Variants in NFIB observed in about 807,000 individuals in gnomAD.
NFIB encodes nuclear factor I B, also known as nuclear factor 1 B-type.
Under a neutral mutation model 61.5 loss-of-function variants are expected in NFIB, and 11 were observed. That is an observed-to-expected ratio of 0.18 (90% CI 0.11 to 0.30). The LOEUF (loss-of-function observed/expected upper bound fraction) is 0.30, where lower values mean the gene tolerates loss of function less well. Among genes scored for constraint, NFIB ranks in the 10% least tolerant of loss-of-function variants. NFIB has a pLI of 1.00. For missense variants in NFIB, 471 were observed against 608.9 expected (o/e 0.77, Z 2.38); for synonymous variants, 260 against 216.5 (o/e 1.20, Z -1.76).
the NFIB span, among the ~76,000 whole-genome samples, chr9:14,529,008 T>C: frequency 6.6e-6 from 1 of 152,142 alleles, no homozygotes; most frequent in Non-Finnish European, 1.5e-5. Context: ...AGAAGTCACA[T>C]ACAAAATCAT....
intron 2 of NFIB, among the ~76,000 whole-genome samples, chr9:14,257,680 C>T (rs1370213823): frequency 6.6e-6 from 1 of 152,000 alleles, no homozygotes; most frequent in Non-Finnish European, 1.5e-5. Context: ...CGCTTGAACC[C>T]GGGGGACAGA....
chr9:14,278,047 C>A (rs1244259624), intron 2 of NFIB, among the ~76,000 whole-genome samples: 2 of 152,112 alleles, frequency 1.3e-5, no homozygotes, highest in South Asian at 2.1e-4. Context: ...ACTTCAGAGA[C>A]CAGCATCTTA....
the NFIB span, among the ~76,000 whole-genome samples, chr9:14,419,140 A>G: frequency 6.6e-6 from 1 of 151,872 alleles, no homozygotes; most frequent in Non-Finnish European, 1.5e-5. Flanking sequence ...TTGTTGCACT[A>G]AAGTGGGACT....
At chr9:14,528,064 G>T in the NFIB span, among the ~76,000 whole-genome samples, 3 of 151,960 alleles carry the variant, frequency 2.0e-5, no homozygotes, top group Non-Finnish European at 1.5e-5. Context: ...TTTATCAGAG[G>T]ATCTATTAAT....
chr9:14,154,227 C>T (rs964981759), intron 4 of NFIB, among the ~76,000 whole-genome samples: 4 of 151,994 alleles, frequency 2.6e-5, no homozygotes, highest in African/African-American at 9.7e-5. Context: ...TCATGAGGTA[C>T]TAAATAAATA....
At chr9:14,117,660 A>G (rs1173630433) in intron 8 of NFIB, among the ~76,000 whole-genome samples, 1 of 152,206 alleles carries the variant, frequency 6.6e-6, no homozygotes, top group African/African-American at 2.4e-5. Context: ...TTTATTCTAT[A>G]AAGAAAATGG....
At chr9:14,261,534 A>T (rs1011502122) in intron 2 of NFIB, among the ~76,000 whole-genome samples, 16 of 152,208 alleles carry the variant, frequency 1.1e-4, no homozygotes. Flanking sequence ...CAAAAGGCAG[A>T]TTAAGAGGAG....
At chr9:14,481,455 C>T in the NFIB span, among the ~76,000 whole-genome samples, 1 of 151,408 alleles carries the variant, frequency 6.6e-6, no homozygotes, top group South Asian at 2.1e-4. Flanking sequence ...GTCTCTGAGT[C>T]TCCTTCAAGA....
chr9:14,441,968 T>A, the NFIB span, among the ~76,000 whole-genome samples: 1 of 152,210 alleles, frequency 6.6e-6, no homozygotes, highest in Non-Finnish European at 1.5e-5. Context: ...TACCATTTGT[T>A]GAGCACATAG....
chr9:14,199,721 C>G (rs566135727), intron 2 of NFIB, among the ~76,000 whole-genome samples: 1 of 152,138 alleles, frequency 6.6e-6, no homozygotes, highest in African/African-American at 2.4e-5. Flanking sequence ...AAGAAATTCT[C>G]AAGTCAACAT....
intron 2 of NFIB, among the ~76,000 whole-genome samples, chr9:14,282,914 A>T (rs1055561718): frequency 2.0e-5 from 3 of 152,220 alleles, no homozygotes; most frequent in African/African-American, 7.2e-5. Context: ...TTCCATGATT[A>T]TAATAGCTTC....
chr9:14,235,583 C>G (rs989545489), intron 2 of NFIB, among the ~76,000 whole-genome samples: 1 of 152,148 alleles, frequency 6.6e-6, no homozygotes, highest in East Asian at 1.9e-4. Flanking sequence ...CCAAGAATTA[C>G]GAAGCACAGT....
intron 2 of NFIB, among the ~76,000 whole-genome samples, chr9:14,278,083 C>T (rs1424742260): frequency 2.0e-5 from 3 of 152,130 alleles, no homozygotes; most frequent in Non-Finnish European, 4.4e-5. Context: ...GTGCTAAGTT[C>T]AGAAAAATTA....
At chr9:14,400,480 G>A (rs186966008), upstream of NFIB, among the ~76,000 whole-genome samples, 1 of 152,146 alleles carries the variant, frequency 6.6e-6, no homozygotes, top group Admixed American at 6.5e-5. Flanking sequence ...TGAGGCATCA[G>A]GTAAGAAGCT....
chr9:14,530,605 G>A, the NFIB span, among the ~76,000 whole-genome samples: 3 of 152,244 alleles, frequency 2.0e-5, no homozygotes, highest in East Asian at 1.9e-4. Context: ...GAGCTTTCAC[G>A]AGACGCCTAG....
intron 2 of NFIB, among the ~76,000 whole-genome samples, chr9:14,205,284 G>A (rs927221958): frequency 0.017 from 759 of 44,656 alleles, no homozygotes; most frequent in East Asian, 0.033. Context: ...GGGAGGGAGG[G>A]AAAGAAGAAA....
chr9:14,499,041 C>A, the NFIB span, among the ~76,000 whole-genome samples: 1 of 150,550 alleles, frequency 6.6e-6, no homozygotes, highest in Admixed American at 6.6e-5. Flanking sequence ...TGTGTGTGCA[C>A]GTGTGTACGT....
Position 14,086,934 on chromosome 9 carries a change from T to C in NFIB, c.*1375A>G, listed in dbSNP as rs961045011. ...AAAATGTGTCTGCCCATGCACACTA[T>C]GGATCTGTCAATACAAGAAATTTGT... On this transcript the variant is annotated 3_prime_UTR_variant, in exon 11 of 11. Coordinates refer to ENST00000380953, the MANE Select transcript of NFIB (RefSeq NM_001190737.2). The C allele has an allele frequency of 4.9e-6, 1 of 203,320 alleles. No individual in the cohort carries two copies. The highest frequency in any genetic ancestry group is 1.0e-5 in the Non-Finnish European group (1 of 98,848). The allele number at this position is 203,320 out of a possible 1,614,324, so 12.6% of individuals were successfully genotyped here.
chr9:14,155,465 A>C (rs528761756), intron 4 of NFIB, among the ~76,000 whole-genome samples: 1 of 152,324 alleles, frequency 6.6e-6, no homozygotes, highest in South Asian at 2.1e-4. Context: ...AAAAGCACTT[A>C]TCTACAGGAA....
Sources: allele counts gnomAD v4.1 joint callset (sites outside exome capture counted in the v4.1 genomes callset), GRCh38; gene constraint gnomAD v4.1.1; transcripts MANE v1.5; gene names NCBI Gene and HGNC (gene_info 2026-07-23, HGNC 2026-07-21).